Variants in CAMKK2 observed in about 807,000 individuals in gnomAD.
CAMKK2 encodes the protein calcium/calmodulin dependent protein kinase kinase 2.
A neutral mutation model predicts 67.2 loss-of-function variants in CAMKK2; 30 were observed. The ratio of observed to expected loss-of-function variants is 0.45; its 90% CI spans 0.33 to 0.61. The LOEUF (loss-of-function observed/expected upper bound fraction) is 0.61, where lower values mean the gene tolerates loss of function less well. Among genes scored for constraint, CAMKK2 ranks in the 20% least tolerant of loss-of-function variants. The pLI is 0.02. For synonymous variants in CAMKK2, 322 were observed against 326.2 expected, an observed-to-expected ratio of 0.99 and a Z score of 0.14; for missense variants, 643 against 802.0, an observed-to-expected ratio of 0.80 and a Z score of 2.39.
chr12:121,292,333 T>C (rs1900212215), intron 1 of CAMKK2, among the ~76,000 whole-genome samples: 1 of 152,000 alleles, frequency 6.6e-6, no homozygotes, highest in Non-Finnish European at 1.5e-5. Flanking sequence ...TTCGCTATGT[T>C]GGCCAGCCTG....
intron 6 of CAMKK2, among the ~76,000 whole-genome samples, chr12:121,262,926 T>C (rs1893757153): frequency 6.6e-6 from 1 of 152,156 alleles, no homozygotes; most frequent in African/African-American, 2.4e-5. Context: ...TAGATATTAA[T>C]AAATATAACT....
chr12:121,263,672 G>T, intron 6 of CAMKK2, 134 bp downstream of exon 6: 1 of 621,754 alleles, frequency 1.6e-6, no homozygotes, highest in Non-Finnish European at 2.6e-6. Context: ...TACTCTTAGG[G>T]AGCAGTAAAT....
In CAMKK2 at chr12:121,253,574, G is replaced by T; in HGVS notation, c.908-102C>A. On this transcript the variant is annotated intron_variant, in intron 9 of 16. Coordinates refer to ENST00000404169, the MANE Select transcript of CAMKK2 (RefSeq NM_001270485.2). The surrounding 1 kb of genome is among the most constrained non-coding windows in gnomAD (Gnocchi z 5.0). Reference sequence around the variant, plus strand: ...GGAGACACAGGCATGGCACCCCTCTGATGCCTTGTCTCCCACAGCCCCAGG... The same window carrying T: ...GGAGACACAGGCATGGCACCCCTCTTATGCCTTGTCTCCCACAGCCCCAGG... 1 of 974,854 alleles carries T rather than the reference G, an allele frequency of 1.0e-6. No homozygotes were observed. Among genetic ancestry groups the T allele is most frequent in the Non-Finnish European group, 1.6e-6 (1 of 615,908 alleles). 60.4% of individuals were successfully genotyped at this position (974,854 alleles called of 1,614,324 possible).
intron 16 of CAMKK2, among the ~76,000 whole-genome samples, chr12:121,241,185 C>T (rs1348958778): frequency 3.3e-5 from 5 of 152,170 alleles, no homozygotes; most frequent in Admixed American, 3.3e-4. Context: ...AGAAGGCACC[C>T]CCCACCCCAC....
At chr12:121,276,159 CAAA>C (rs373596430) in intron 1 of CAMKK2, among the ~76,000 whole-genome samples, 5 of 120,766 alleles carry the variant, frequency 4.1e-5, no homozygotes, top group Admixed American at 9.0e-5. Flanking sequence ...GACTCCATCT[CAAA>C]AAAAAAAAAA....
chr12:121,245,308 T>G lies in CAMKK2; in HGVS notation c.1453-68A>C, dbSNP rs1183513311. The G allele has an allele frequency of 3.3e-6, 3 of 919,112 alleles. No homozygotes were observed. Among genetic ancestry groups the G allele is most frequent in the Non-Finnish European group, 5.2e-6 (3 of 571,852 alleles). 56.9% of individuals were successfully genotyped at this position (919,112 alleles called of 1,614,324 possible). ...CATGTGGGGGCGATTCTGGGCAACA[T>G]CCTCCCTCTTCCTTCTCCCCAGCCC... On this transcript the variant is annotated intron_variant, in intron 14 of 16. Coordinates refer to ENST00000404169, the MANE Select transcript of CAMKK2 (RefSeq NM_001270485.2). This position sits in a 1 kb window ranked among gnomAD's most constrained non-coding sequence, Gnocchi z 5.8.
At chr12:121,279,119 C>T (rs538933787) in intron 1 of CAMKK2, among the ~76,000 whole-genome samples, 1 of 152,368 alleles carries the variant, frequency 6.6e-6, no homozygotes, top group East Asian at 1.9e-4. Context: ...CTGAGCCATC[C>T]GCCCCCAGCA....
chr12:121,248,804 A>C, intron 13 of CAMKK2, 70 bp from the exon 14 acceptor site: 4 of 1,583,324 alleles, frequency 2.5e-6, no homozygotes, highest in Non-Finnish European at 3.5e-6. Context: ...CAGCGAGCGG[A>C]GCCACAAGGG....
rs1260909341 is a variant in CAMKK2, at chr12:121,262,326, C to T, written c.759+1480G>A. On this transcript the variant is annotated intron_variant, in intron 6 of 16. Coordinates refer to ENST00000404169, the MANE Select transcript of CAMKK2 (RefSeq NM_001270485.2). ...AGGAGATCAAGACCATCCTGACTAA[C>T]ACGGTGAAACCCCATCTCCATTAAA... 2.0e-5 allele frequency among the ~76,000 whole-genome samples: 3 copies of T among 152,126 alleles called. No homozygotes were observed. The East Asian group carries it at 5.9e-4, about 30-fold the overall frequency.
intron 1 of CAMKK2, among the ~76,000 whole-genome samples, chr12:121,278,569 G>A (rs1225118130): frequency 1.3e-5 from 2 of 152,166 alleles, no homozygotes; most frequent in Non-Finnish European, 2.9e-5. Context: ...CCCCCATACT[G>A]TTCTCATGGT....
At chr12:121,242,846 C>T (rs1364840403) in intron 16 of CAMKK2, among the ~76,000 whole-genome samples, 2 of 152,014 alleles carry the variant, frequency 1.3e-5, no homozygotes, top group Non-Finnish European at 2.9e-5. Flanking sequence ...GGGTTCACGC[C>T]ATTCTCCTGC....
At chr12:121,242,838 G>A (rs537480646) in intron 16 of CAMKK2, among the ~76,000 whole-genome samples, 1 of 152,272 alleles carries the variant, frequency 6.6e-6, no homozygotes, top group Non-Finnish European at 1.5e-5. Flanking sequence ...CGCCTCCCGG[G>A]TTCACGCCAT....
chr12:121,280,891 C>T (rs1897654793), intron 1 of CAMKK2, among the ~76,000 whole-genome samples: 1 of 152,166 alleles, frequency 6.6e-6, no homozygotes, highest in African/African-American at 2.4e-5. Flanking sequence ...TTTAATTTCA[C>T]CTGGGTCCTG....
intron 1 of CAMKK2, among the ~76,000 whole-genome samples, chr12:121,276,562 T>C (rs537160470): frequency 1.7e-4 from 26 of 152,198 alleles, no homozygotes; most frequent in South Asian, 6.2e-4. Flanking sequence ...CTTAACGTGT[T>C]TGACAAATTC....
rs545487890 is a variant in CAMKK2 at position 121,241,877 on chromosome 12, G to A, written c.1597-1008C>T. Among the ~76,000 whole-genome samples, 5 of 152,348 alleles carry A rather than the reference G, an allele frequency of 3.3e-5. No individual in the cohort carries two copies. In the South Asian group the frequency reaches 1.0e-3, roughly 32 times the overall value. On this transcript the variant is annotated intron_variant, in intron 16 of 16. Coordinates refer to ENST00000404169, the MANE Select transcript of CAMKK2 (RefSeq NM_001270485.2). ...ACTGCAGACGGCAGGCAGGCCCCCA[G>A]TCCAAGACCCCCAGTGCCTGAATCA...
chr12:121,284,619 C>G (rs1050529226), intron 1 of CAMKK2, among the ~76,000 whole-genome samples: 1 of 152,146 alleles, frequency 6.6e-6, no homozygotes, highest in Non-Finnish European at 1.5e-5. Flanking sequence ...GTCACCGCAC[C>G]CGGCCGGGCT....
At chr12:121,265,334 G>A (rs1026055294) in intron 5 of CAMKK2, among the ~76,000 whole-genome samples, 28 of 149,678 alleles carry the variant, frequency 1.9e-4, no homozygotes, top group African/African-American at 6.7e-4. Context: ...TGGGAGACAC[G>A]CGTCATATAG....
chr12:121,277,527 A>G (rs1048044840), intron 1 of CAMKK2, among the ~76,000 whole-genome samples: 4 of 152,256 alleles, frequency 2.6e-5, no homozygotes, highest in Non-Finnish European at 5.9e-5. Flanking sequence ...AGAGCCATAC[A>G]ACAGAATACT....
In CAMKK2 at chr12:121,274,521, T is replaced by C. The variant is rs1389749463; in HGVS notation, c.6A>G (p.Ser2=). ...TGCTGGGCTGGCTAGAGACACATGA[T>C]GACATGGTGCATGCGCCAGCTTCAT... is the stretch of plus-strand genomic sequence containing the variant. M[S]SCVSSQPSSN... The change falls in exon 2 of 17, where the codon TCA becomes TCG. Residue 2 remains serine (S), a synonymous_variant. Coordinates refer to ENST00000404169, the MANE Select transcript of CAMKK2 (RefSeq NM_001270485.2). 4 of 1,609,368 alleles carry C rather than the reference T, an allele frequency of 2.5e-6. No homozygotes were observed. The highest frequency in any genetic ancestry group is 3.4e-6 in the Non-Finnish European group (4 of 1,178,738).
Sources: allele counts gnomAD v4.1 joint callset (sites outside exome capture counted in the v4.1 genomes callset), GRCh38; gene constraint gnomAD v4.1.1; non-coding constraint Gnocchi (gnomAD v3.1); transcripts MANE v1.5; gene names NCBI Gene and HGNC (gene_info 2026-07-23, HGNC 2026-07-21).